TNFSF4: variants seen among roughly 807,000 people sequenced by gnomAD.
TNFSF4 encodes tumor necrosis factor ligand superfamily member 4.
TNFSF4 carries 4 observed loss-of-function variants against 7.3 expected under a neutral mutation model. The ratio of observed to expected loss-of-function variants is 0.55; its 90% confidence interval spans 0.27 to 1.25. The LOEUF is 1.25. TNFSF4 is among the 50% of genes most tolerant of loss of function. The probability of loss-of-function intolerance (pLI) is 0.12; values close to 1 mark genes in which losing one functional copy is unlikely to be tolerated. For missense variants in TNFSF4, 181 were observed against 208.8 expected (o/e 0.87, Z 0.82); for synonymous variants, 76 against 83.7 (o/e 0.91, Z 0.50).
At chr1:173,431,424 G>A in the TNFSF4 span, among the ~76,000 whole-genome samples, 1 of 152,188 alleles carries the variant, frequency 6.6e-6, no homozygotes, top group African/African-American at 2.4e-5. Flanking sequence ...AGAATTAAGA[G>A]CCATGCGCTG....
the TNFSF4 span, among the ~76,000 whole-genome samples, chr1:173,395,377 AATATATATATATATATATATAT>A: frequency 5.2e-3 from 331 of 63,236 alleles, 9 homozygotes; most frequent in East Asian, 0.022. Flanking sequence ...CTGTGTATAT[AATATATATATATATATATATAT>A]ATATATATAT....
the TNFSF4 span, among the ~76,000 whole-genome samples, chr1:173,334,586 T>C: frequency 6.6e-6 from 1 of 152,214 alleles, no homozygotes; most frequent in Non-Finnish European, 1.5e-5. Context: ...CTTTCAGGCC[T>C]ATAGGCTGTC....
the TNFSF4 span, among the ~76,000 whole-genome samples, chr1:173,387,153 G>T: frequency 6.6e-6 from 1 of 152,236 alleles, no homozygotes; most frequent in Non-Finnish European, 1.5e-5. Context: ...TATTTTGTAT[G>T]TGAGAAGGGC....
At chr1:173,301,942 T>C in the TNFSF4 span, among the ~76,000 whole-genome samples, 1 of 151,156 alleles carries the variant, frequency 6.6e-6, no homozygotes. Context: ...CAAAAACTAA[T>C]TGAACAATTC....
rs145668677 is a variant in TNFSF4, at chr1:173,187,820, C to G, written c.202+701G>C. The stretch of plus-strand genomic sequence containing the variant: ...AAATCATCCTGAATAGCCAAGTAAC[C>G]ACATCTTGGACACACCCTGTTCTGG... On this transcript the variant is annotated intron_variant, in intron 2 of 2. Transcript: ENST00000281834. Among the ~76,000 whole-genome samples the G allele has an allele frequency of 4.0e-3, 616 of 152,218 alleles. 9 individuals carry two copies. The highest frequency in any genetic ancestry group is 0.025 in the South Asian group (119 of 4,804).
the TNFSF4 span, among the ~76,000 whole-genome samples, chr1:173,395,021 T>C: frequency 7.7e-6 from 1 of 130,342 alleles, no homozygotes; most frequent in Non-Finnish European, 1.7e-5. Context: ...GATAGATAGA[T>C]AGATAGATAG....
chr1:173,204,697 T>TC (rs1650098756), intron 1 of TNFSF4, among the ~76,000 whole-genome samples: 1 of 152,072 alleles, frequency 6.6e-6, no homozygotes, highest in Non-Finnish European at 1.5e-5. Context: ...TAACATTATG[T>TC]CTTATAAAAT....
At chr1:173,201,113 T>C (rs999469505) in intron 1 of TNFSF4, among the ~76,000 whole-genome samples, 2 of 152,190 alleles carry the variant, frequency 1.3e-5, no homozygotes, top group African/African-American at 4.8e-5. Flanking sequence ...GAGAATTGGA[T>C]GAAATATATC....
the TNFSF4 span, among the ~76,000 whole-genome samples, chr1:173,414,752 C>T: frequency 6.6e-6 from 1 of 152,228 alleles, no homozygotes; most frequent in Non-Finnish European, 1.5e-5. Flanking sequence ...TATCCACTGG[C>T]TCCTCTCCAA....
upstream of TNFSF4, among the ~76,000 whole-genome samples, chr1:173,210,092 G>A (rs1259369090): frequency 6.6e-6 from 1 of 151,460 alleles, no homozygotes; most frequent in African/African-American, 2.4e-5. Flanking sequence ...TGGTGTCTGG[G>A]TTTTGGTTTT....
the TNFSF4 span, among the ~76,000 whole-genome samples, chr1:173,270,596 A>G: frequency 6.6e-6 from 1 of 152,200 alleles, no homozygotes; most frequent in Non-Finnish European, 1.5e-5. Context: ...ATGAGTAATC[A>G]TAAATTTAAA....
chr1:173,193,689 T>C (rs750288306), intron 1 of TNFSF4, among the ~76,000 whole-genome samples: 38 of 150,240 alleles, frequency 2.5e-4, no homozygotes, highest in Admixed American at 9.4e-4. Context: ...TGATTGGCAA[T>C]GACCTCATCA....
chr1:173,384,806 G>A, the TNFSF4 span, among the ~76,000 whole-genome samples: 4 of 152,092 alleles, frequency 2.6e-5, no homozygotes, highest in Non-Finnish European at 4.4e-5. Context: ...TCAATCAACT[G>A]AGACCCATTT....
chr1:173,247,653 A>G, the TNFSF4 span, among the ~76,000 whole-genome samples: 1 of 152,154 alleles, frequency 6.6e-6, no homozygotes, highest in African/African-American at 2.4e-5. Context: ...TAAAATCATC[A>G]AAACAAGGAA....
the TNFSF4 span, among the ~76,000 whole-genome samples, chr1:173,273,555 T>C: frequency 6.6e-6 from 1 of 152,132 alleles, no homozygotes; most frequent in South Asian, 2.1e-4. Flanking sequence ...ATAAGTGTTA[T>C]TGAGATAATA....
At chr1:173,258,865 G>A in the TNFSF4 span, among the ~76,000 whole-genome samples, 1 of 152,108 alleles carries the variant, frequency 6.6e-6, no homozygotes, top group Non-Finnish European at 1.5e-5. Flanking sequence ...TCCCTGAGAT[G>A]GAGCCCCTGA....
upstream of TNFSF4, among the ~76,000 whole-genome samples, chr1:173,211,894 G>A (rs1650385891): frequency 6.6e-6 from 1 of 152,090 alleles, no homozygotes; most frequent in African/African-American, 2.4e-5. Context: ...TGATTCCTTG[G>A]GTGTCTTAGT....
chr1:173,322,035 T>C, the TNFSF4 span, among the ~76,000 whole-genome samples: 16 of 152,296 alleles, frequency 1.1e-4, no homozygotes, highest in African/African-American at 3.4e-4. Flanking sequence ...TGCAGCACTA[T>C]TTACAATAGC....
At chr1:173,236,939 A>T in the TNFSF4 span, among the ~76,000 whole-genome samples, 1 of 152,156 alleles carries the variant, frequency 6.6e-6, no homozygotes, top group East Asian at 1.9e-4. Flanking sequence ...CCCCACCAAA[A>T]TCTCACCTTG....
Sources: allele counts gnomAD v4.1 joint callset (sites outside exome capture counted in the v4.1 genomes callset), GRCh38; gene constraint gnomAD v4.1.1; transcripts MANE v1.5; gene names NCBI Gene and HGNC (gene_info 2026-07-23, HGNC 2026-07-21).